Variants in TAF11 observed in about 807,000 individuals in gnomAD.
TAF11 encodes the protein transcription initiation factor TFIID subunit 11.
Under a neutral mutation model 23.0 loss-of-function variants are expected in TAF11, and 10 were observed. The observed-to-expected ratio is 0.43, with a 90% CI of 0.27 to 0.74. TAF11 has a LOEUF of 0.74. TAF11 is among the 30% of genes least tolerant of loss of function. The probability of loss-of-function intolerance (pLI) is 0.19; values close to 1 mark genes in which losing one functional copy is unlikely to be tolerated. For synonymous variants in TAF11, 85 were observed against 95.8 expected, an observed-to-expected ratio of 0.89 and a Z score of 0.66; for missense variants, 196 against 261.7, an observed-to-expected ratio of 0.75 and a Z score of 1.73.
chr6:34,881,580 A>G (rs1309398268), intron 2 of TAF11, among the ~76,000 whole-genome samples: 1 of 152,164 alleles, frequency 6.6e-6, no homozygotes, highest in Non-Finnish European at 1.5e-5. Flanking sequence ...AAAATAGGCT[A>G]CAAAACAGTA....
At chr6:34,883,619 T>C (rs1459498681) in intron 1 of TAF11, among the ~76,000 whole-genome samples, 3 of 152,280 alleles carry the variant, frequency 2.0e-5, no homozygotes, top group Middle Eastern at 3.2e-3. Context: ...TACTGTTTCA[T>C]GCAAATGTTT....
chr6:34,882,944 A>G lies in TAF11; in HGVS notation c.308T>C (p.Ile103Thr), dbSNP rs184160513. 37 of 1,604,710 alleles carry G rather than the reference A, an allele frequency of 2.3e-5. No homozygotes were observed. The Admixed American group carries it at 4.3e-4, about 19-fold the overall frequency. Residue 103 changes from isoleucine to threonine, a missense_variant, in exon 2 of 5, where the codon ATT (isoleucine) becomes ACT (threonine). Transcript: ENST00000361288. ...EKKQKVDEDEIQKMQILVSSF... is the reference protein window; with the variant it reads ...EKKQKVDEDETQKMQILVSSF... ...GAAAGTGACTTACTGCATCTTCTGA[A>G]TCTCATCTTCATCTACTTTCTGCTT...
At position 34,887,967 on chromosome 6, in the gene TAF11, G is replaced by C; in HGVS notation, c.-10C>G. 6.2e-7 allele frequency: 1 copy of C among 1,613,948 alleles called. No individual in the cohort carries two copies. Among genetic ancestry groups the C allele is most frequent in the Non-Finnish European group, 8.5e-7 (1 of 1,179,910 alleles). ...CGTGGGCATCGTCCATCACGGATAGGATTGGAGGGGAGAGGAGATCGCGGA... is the reference window on the plus strand; with the variant it reads ...CGTGGGCATCGTCCATCACGGATAGCATTGGAGGGGAGAGGAGATCGCGGA... On this transcript the variant is annotated 5_prime_UTR_variant, in exon 1 of 5. In the 5' UTR this introduces an upstream ATG that the reference lacks. Coordinates refer to ENST00000361288, the MANE Select transcript of TAF11 (RefSeq NM_005643.4).
Position 34,887,838 on chromosome 6 carries a change from A to G in TAF11, c.120T>C (p.Thr40=). ...TCAAGTCCACATCTGCGTCTCCGTC[A>G]GTTTCCTCTGGGATTCCATCGGTGT... ...ATDTDGIPEE[T]DGDADVDLKE... is the part of the protein sequence containing the mutation. Residue 40 remains threonine, a synonymous_variant, in exon 1 of 5, where the codon ACT becomes ACC. Transcript: ENST00000361288. 1 of 1,614,148 alleles carries G rather than the reference A, an allele frequency of 6.2e-7. No individual in the cohort carries two copies. Among genetic ancestry groups the G allele is most frequent in the Non-Finnish European group, 8.5e-7 (1 of 1,180,042 alleles).
At position 34,880,392 on chromosome 6, in the gene TAF11, G is replaced by A. The variant is rs372882594; in HGVS notation, c.321-16C>T. 38 of 1,610,762 alleles carry A rather than the reference G, an allele frequency of 2.4e-5. No individual in the cohort carries two copies. In the African/African-American group the frequency reaches 3.3e-4, roughly 14 times the overall value. On this transcript the variant is annotated splice_polypyrimidine_tract_variant and intron_variant, in intron 2 of 4. Coordinates refer to ENST00000361288, the MANE Select transcript of TAF11 (RefSeq NM_005643.4). This position sits in a 1 kb window ranked among gnomAD's most constrained non-coding sequence, Gnocchi z 4.8. ...AACCAGGATTCTAAACAAAGATCCAGGTAACTAAGTTAACTTATAAGAACG... is the reference window on the plus strand; with the variant it reads ...AACCAGGATTCTAAACAAAGATCCAAGTAACTAAGTTAACTTATAAGAACG...
intron 1 of TAF11, among the ~76,000 whole-genome samples, chr6:34,884,476 G>C (rs4646926): frequency 6.6e-6 from 1 of 151,914 alleles, no homozygotes; most frequent in Non-Finnish European, 1.5e-5. Flanking sequence ...AAATAACTAA[G>C]GGACACTAGG....
chr6:34,879,923 A>G (rs769799752), intron 4 of TAF11, 44 bp downstream of exon 4: 1 of 1,594,108 alleles, frequency 6.3e-7, no homozygotes, highest in Non-Finnish European at 8.6e-7. Flanking sequence ...TAAAAATAAG[A>G]CCACCACAGG....
intron 1 of TAF11, among the ~76,000 whole-genome samples, chr6:34,883,429 C>T (rs1476301305): frequency 6.6e-6 from 1 of 152,170 alleles, no homozygotes; most frequent in Admixed American, 6.5e-5. Flanking sequence ...TCAGCAAAGT[C>T]CCCTCCATCC....
chr6:34,887,257 C>G (rs891524109), intron 1 of TAF11, among the ~76,000 whole-genome samples: 6 of 152,064 alleles, frequency 3.9e-5, no homozygotes, highest in African/African-American at 1.4e-4. Context: ...GGCCAGAGAT[C>G]GCGCCATTGT....
chr6:34,883,270 G>T, intron 1 of TAF11, 190 bp from the exon 2 acceptor site: 1 of 513,798 alleles, frequency 1.9e-6, no homozygotes, highest in Non-Finnish European at 3.3e-6. Context: ...GCTCAGCTAT[G>T]GAAAGAAAAC....
chr6:34,887,907 C>A lies in TAF11; in HGVS notation c.51G>T (p.Glu17Asp). The change falls in exon 1 of 5, where the codon GAG becomes GAT. Residue 17 changes from glutamate (E) to aspartate (D), a missense_variant. Transcript: ENST00000361288. ...CGGGCACAGCGGCCGTCTCATCCGACTCCCCTGTCTCTCCACCTTTGTCGG... is the reference window on the plus strand; with the variant it reads ...CGGGCACAGCGGCCGTCTCATCCGAATCCCCTGTCTCTCCACCTTTGTCGG... ...SPSDKGGETG[E>D]SDETAAVPGD... The A allele has an allele frequency of 6.2e-7, 1 of 1,614,230 alleles. No homozygotes were observed. Among genetic ancestry groups the A allele is most frequent in the Non-Finnish European group, 8.5e-7 (1 of 1,180,038 alleles).
At position 34,887,943 on chromosome 6, in the gene TAF11, G is replaced by C. The variant is rs1181984481; in HGVS notation, c.15C>G (p.His5Gln). The change falls in exon 1 of 5, where the codon CAC becomes CAG. Residue 5 changes from histidine to glutamine, a missense_variant. His to Gln is a conservative substitution (Grantham distance 24). Transcript: ENST00000361288. MDDAHESPSDKGGET... is the reference protein window; with the variant it reads MDDAQESPSDKGGET... ...CTCCACCTTTGTCGGAGGGCGACTCGTGGGCATCGTCCATCACGGATAGGA... is the reference window on the plus strand; with the variant it reads ...CTCCACCTTTGTCGGAGGGCGACTCCTGGGCATCGTCCATCACGGATAGGA... 9.3e-6 allele frequency: 15 copies of C among 1,614,020 alleles called. No individual in the cohort carries two copies. Among genetic ancestry groups the C allele is most frequent in the African/African-American group, 2.7e-5 (2 of 74,920 alleles).
chr6:34,878,521 G>T lies in TAF11; in HGVS notation c.*69C>A. On this transcript the variant is annotated 3_prime_UTR_variant, in exon 5 of 5. Transcript: ENST00000361288. Reference sequence around the variant, plus strand: ...CCTGAGATACTAAAGCACCAATGCAGACAGTCTTATAGGAAGTCTGGAACC... The same window carrying T: ...CCTGAGATACTAAAGCACCAATGCATACAGTCTTATAGGAAGTCTGGAACC... The T allele has an allele frequency of 1.2e-6, 1 of 851,444 alleles. No individual in the cohort carries two copies. Among genetic ancestry groups the T allele is most frequent in the Non-Finnish European group, 2.0e-6 (1 of 491,016 alleles). 52.7% of individuals were successfully genotyped at this position (851,444 alleles called of 1,614,324 possible).
Position 34,884,482 on chromosome 6 carries a change from CTA to C in TAF11, c.172-1404_172-1403del, listed in dbSNP as rs539130314. 9.9e-4 allele frequency among the ~76,000 whole-genome samples: 150 copies of C among 152,222 alleles called. 1 individual carries two copies. Among genetic ancestry groups the C allele is most frequent in the African/African-American group, 3.5e-3 (147 of 41,532 alleles). On this transcript the variant is annotated intron_variant, in intron 1 of 4. Coordinates refer to ENST00000361288, the MANE Select transcript of TAF11 (RefSeq NM_005643.4). ...GATCAGGAAAAATAACTAAGGGACACTAGGCTTAATACCTGGGTGATGAAATA... is the reference window on the plus strand; with the variant it reads ...GATCAGGAAAAATAACTAAGGGACACGGCTTAATACCTGGGTGATGAAATA...
chr6:34,883,483 G>A (rs1272490843), intron 1 of TAF11, among the ~76,000 whole-genome samples: 1 of 152,122 alleles, frequency 6.6e-6, no homozygotes, highest in East Asian at 1.9e-4. Context: ...CTTTACTGCT[G>A]ATGATTCCAC....
At position 34,878,577 on chromosome 6, in the gene TAF11, T is replaced by G. The variant is rs4646945; in HGVS notation, c.*13A>C. The stretch of plus-strand genomic sequence containing the variant: ...TTCTTCCGTCAGTAACATAGGCCTT[T>G]CTAGACTTTGGTCTAGAAGAAGATG... On this transcript the variant is annotated 3_prime_UTR_variant, in exon 5 of 5. Coordinates refer to ENST00000361288, the MANE Select transcript of TAF11 (RefSeq NM_005643.4). 3.0e-4 allele frequency: 435 copies of G among 1,442,138 alleles called. 7 individuals carry two copies. In the East Asian group the frequency reaches 9.0e-3, roughly 30 times the overall value. 89.3% of individuals were successfully genotyped at this position (1,442,138 alleles called of 1,614,324 possible). A position where few individuals can be genotyped will look rare whatever the true frequency, so the allele number is the denominator to read the frequency against.
intron 1 of TAF11, among the ~76,000 whole-genome samples, chr6:34,887,288 C>G (rs573743116): frequency 2.9e-4 from 44 of 152,176 alleles, no homozygotes; most frequent in African/African-American, 9.9e-4. Flanking sequence ...GGGCGACTCT[C>G]AGGTTAAATC....
chr6:34,884,559 T>G (rs903239075), intron 1 of TAF11, among the ~76,000 whole-genome samples: 2 of 152,172 alleles, frequency 1.3e-5, no homozygotes, highest in African/African-American at 4.8e-5. Flanking sequence ...TAACAAAACC[T>G]GCACATCCTG....
chr6:34,884,602 TTTAATAA>T (rs1766498641), intron 1 of TAF11, among the ~76,000 whole-genome samples: 1 of 152,172 alleles, frequency 6.6e-6, no homozygotes, highest in African/African-American at 2.4e-5. Flanking sequence ...AAACTGGCTG[TTTAATAA>T]TAAAAATCAA....
Sources: gnomAD v4.1 joint callset for allele counts (sites outside exome capture counted in the v4.1 genomes callset) on GRCh38, gnomAD v4.1.1 for gene constraint, Gnocchi (gnomAD v3.1) non-coding constraint, MANE v1.5 for transcripts, NCBI Gene and HGNC (gene_info 2026-07-23, HGNC 2026-07-21) for gene names.